The following MSI2 variants were observed in gnomAD, a reference collection of about 807,000 sequenced individuals.
MSI2 encodes the protein musashi RNA binding protein 2.
A neutral mutation model predicts 45.6 loss-of-function variants in MSI2; 17 were observed. The ratio of observed to expected loss-of-function variants is 0.37; its 90% CI spans 0.26 to 0.56. MSI2 has a LOEUF of 0.56. Ranked by LOEUF, MSI2 falls within the 20% of genes least tolerant of loss-of-function variation. The pLI is 0.77. For missense variants in MSI2, 293 were observed against 444.2 expected, an observed-to-expected ratio of 0.66 and a Z score of 3.06; for synonymous variants, 156 against 158.2, an observed-to-expected ratio of 0.99 and a Z score of 0.11.
intron 5 of MSI2, among the ~76,000 whole-genome samples, chr17:57,371,441 A>G (rs998170755): frequency 6.6e-6 from 1 of 151,916 alleles, no homozygotes; most frequent in Non-Finnish European, 1.5e-5. Flanking sequence ...CCCCAACGCC[A>G]CTATTTACCA....
chr17:57,257,136 C>T lies in MSI2; in HGVS notation c.101C>T (p.Pro34Leu), dbSNP rs1906829250. ...GGTGGACTGAGCTGGCAGACCTCACCAGGTAAGGGAGGGAGGGGGGGACGC... is the reference window on the plus strand; with the variant it reads ...GGTGGACTGAGCTGGCAGACCTCACTAGGTAAGGGAGGGAGGGGGGGACGC... ...FIGGLSWQTS[P>L]DSLRDYFSKF... The change falls in exon 2 of 14, where the codon CCA (proline) becomes CTA (leucine). Residue 34 changes from proline (P) to leucine (L), a missense_variant and splice_region_variant. Physicochemically the swap from Pro to Leu is moderately conservative, Grantham distance 98. Coordinates refer to ENST00000284073, the MANE Select transcript of MSI2 (RefSeq NM_138962.4). 1 of 1,155,232 alleles carries T rather than the reference C, an allele frequency of 8.7e-7. No individual in the cohort carries two copies. The highest frequency in any genetic ancestry group is 1.6e-5 in the African/African-American group (1 of 60,924). The allele number at this position is 1,155,232 out of a possible 1,614,324, so 71.6% of individuals were successfully genotyped here.
intron 6 of MSI2, among the ~76,000 whole-genome samples, chr17:57,474,415 C>A (rs112589516): frequency 4.9e-4 from 75 of 152,300 alleles, no homozygotes; most frequent in African/African-American, 1.7e-3. Context: ...TCCACCTCAG[C>A]ACTACTGACG....
rs1913596954 is a variant in MSI2, at chr17:57,681,573, T to C, written c.*2056T>C. 1 of 182,614 alleles carries C rather than the reference T, an allele frequency of 5.5e-6. No individual in the cohort carries two copies. Among genetic ancestry groups the C allele is most frequent in the Non-Finnish European group, 1.2e-5 (1 of 85,980 alleles). The allele number at this position is 182,614 out of a possible 1,614,324, so 11.3% of individuals were successfully genotyped here. A position where few individuals can be genotyped will look rare whatever the true frequency, so the allele number is the denominator to read the frequency against. On this transcript the variant is annotated 3_prime_UTR_variant, in exon 14 of 14. Transcript: ENST00000284073. ...AAACTAAAGACTCCAAAATGCTAACTCAGAAAGAAAGAAAAAACCCGTTTT... is the reference window on the plus strand; with the variant it reads ...AAACTAAAGACTCCAAAATGCTAACCCAGAAAGAAAGAAAAAACCCGTTTT...
chr17:57,273,623 C>G (rs1180155232), intron 5 of MSI2, among the ~76,000 whole-genome samples: 1 of 152,124 alleles, frequency 6.6e-6, no homozygotes, highest in Non-Finnish European at 1.5e-5. Context: ...CCTGCCTGGG[C>G]AGTTTGCGTT....
downstream of MSI2, among the ~76,000 whole-genome samples, chr17:57,689,293 C>T (rs1160705892): frequency 1.3e-5 from 2 of 151,708 alleles, no homozygotes; most frequent in Admixed American, 1.3e-4. Context: ...AAAACTATTT[C>T]CATTTTTTGA....
intron 6 of MSI2, among the ~76,000 whole-genome samples, chr17:57,464,005 GTGTGTGTGTGTGTGTA>G (rs2085282205): frequency 3.1e-5 from 4 of 127,350 alleles, no homozygotes; most frequent in African/African-American, 1.0e-4. Context: ...GTGTGTGTGT[GTGTGTGTGTGTGTGTA>G]TGTGTGTGTG....
chr17:57,527,464 C>CGGG (rs113683784), intron 6 of MSI2, among the ~76,000 whole-genome samples: 7 of 144,396 alleles, frequency 4.8e-5, no homozygotes, highest in South Asian at 2.2e-4. Flanking sequence ...AGGTTACCGT[C>CGGG]GGCGGGGGCT....
At chr17:57,362,685 C>G (rs1053796820) in intron 5 of MSI2, among the ~76,000 whole-genome samples, 1 of 152,062 alleles carries the variant, frequency 6.6e-6, no homozygotes, top group African/African-American at 2.4e-5. Context: ...TGTCTGTGAG[C>G]TGTGCCTTCC....
At chr17:57,341,214 T>C (rs1300543098) in intron 5 of MSI2, among the ~76,000 whole-genome samples, 1 of 152,116 alleles carries the variant, frequency 6.6e-6, no homozygotes, top group Non-Finnish European at 1.5e-5. Flanking sequence ...GGCAGCTCAG[T>C]GTGGCCCCAG....
chr17:57,666,981 G>T (rs1235960193), intron 11 of MSI2, among the ~76,000 whole-genome samples: 1 of 152,244 alleles, frequency 6.6e-6, no homozygotes, highest in Non-Finnish European at 1.5e-5. Context: ...GTAGGGAGTT[G>T]TCTCCGGGCA....
chr17:57,676,929 A>G, intron 12 of MSI2, 58 bp from the exon 13 acceptor site: 1 of 1,097,062 alleles, frequency 9.1e-7, no homozygotes, highest in Non-Finnish European at 1.4e-6. Flanking sequence ...TTCCCAGAAT[A>G]TGACAATCTG....
At chr17:57,698,074 C>A in the MSI2 span, among the ~76,000 whole-genome samples, 1 of 152,116 alleles carries the variant, frequency 6.6e-6, no homozygotes, top group Non-Finnish European at 1.5e-5. Flanking sequence ...CCCACAGACA[C>A]CCTCTCAGCA....
At chr17:57,677,099 T>C in intron 13 of MSI2, 40 bp downstream of exon 13, 1 of 1,376,862 alleles carries the variant, frequency 7.3e-7, no homozygotes, top group Non-Finnish European at 1.0e-6. Context: ...CCTGCCGGTG[T>C]GTCCGTACAT....
At chr17:57,577,492 C>G (rs1385033283) in intron 7 of MSI2, among the ~76,000 whole-genome samples, 1 of 152,078 alleles carries the variant, frequency 6.6e-6, no homozygotes, top group East Asian at 1.9e-4. Context: ...ATCTTTAAGC[C>G]CTGGTCTCCA....
In MSI2 at chr17:57,502,451, T is replaced by G. The variant is rs62058063; in HGVS notation, c.406-27225T>G. Among the ~76,000 whole-genome samples the G allele has an allele frequency of 7.8e-3, 1,182 of 151,564 alleles. 4 individuals are homozygous for G. Among genetic ancestry groups the G allele is most frequent in the Middle Eastern group, 0.041 (12 of 294 alleles). On this transcript the variant is annotated intron_variant, in intron 6 of 13. Transcript: ENST00000284073. ...GGAGACGATGATAATAGTGCATCCT[T>G]TGAAGGTGTAATGTGTGAATTGAAC...
intron 7 of MSI2, among the ~76,000 whole-genome samples, chr17:57,555,966 G>A (rs1393715864): frequency 6.6e-6 from 1 of 152,198 alleles, no homozygotes; most frequent in Non-Finnish European, 1.5e-5. Flanking sequence ...TCCCAATGAT[G>A]CCTGGAGACC....
intron 9 of MSI2, chr17:57,626,375 T>A (rs866565368): frequency 5.3e-4 from 81 of 152,074 alleles, no homozygotes; most frequent in African/African-American, 1.9e-3. Flanking sequence ...CCACAATGAC[T>A]CCCTGAGAGC....
At chr17:57,383,324 G>A (rs747045374) in intron 5 of MSI2, among the ~76,000 whole-genome samples, 2 of 152,238 alleles carry the variant, frequency 1.3e-5, no homozygotes, top group Non-Finnish European at 2.9e-5. Context: ...TAAGGTGGCT[G>A]TTTGGAACTA....
intron 5 of MSI2, among the ~76,000 whole-genome samples, chr17:57,401,105 A>G (rs553568881): frequency 7.9e-5 from 12 of 152,292 alleles, no homozygotes; most frequent in Admixed American, 7.2e-4. Context: ...TTGCTAGTCC[A>G]TCAGAATGAA....
Sources: allele counts gnomAD v4.1 joint callset (sites outside exome capture counted in the v4.1 genomes callset), GRCh38; gene constraint gnomAD v4.1.1; transcripts MANE v1.5; gene names NCBI Gene and HGNC (gene_info 2026-07-23, HGNC 2026-07-21).